Variants in FRMPD3 observed in about 807,000 individuals in gnomAD.
FRMPD3 encodes FERM and PDZ domain containing 3.
Under a neutral mutation model 97.9 loss-of-function variants are expected in FRMPD3, and 42 were observed. The ratio of observed to expected loss-of-function variants is 0.43; its 90% CI spans 0.34 to 0.55. The LOEUF (loss-of-function observed/expected upper bound fraction) is 0.55. Ranked by LOEUF, FRMPD3 falls within the 20% of genes least tolerant of loss-of-function variation. FRMPD3 has a pLI of 0.03. For synonymous variants in FRMPD3, 577 were observed against 581.1 expected, an observed-to-expected ratio of 0.99 and a Z score of 0.10; for missense variants, 1,303 against 1,457.7, an observed-to-expected ratio of 0.89 and a Z score of 1.73.
At chrX:107,583,042 T>C (rs1923466980) in intron 13 of FRMPD3, among the ~76,000 whole-genome samples, 2 of 112,374 alleles carry the variant, frequency 1.8e-5, no homozygotes, top group South Asian at 7.4e-4. Context: ...ATTTCTTTCA[T>C]AAATGTTGTA....
At chrX:107,519,619 A>G (rs1922444803) in intron 1 of FRMPD3, among the ~76,000 whole-genome samples, 1 of 112,113 alleles carries the variant, frequency 8.9e-6, no homozygotes, top group Admixed American at 9.5e-5. Flanking sequence ...TAAAGTCCTC[A>G]GTGAATGTGG....
intron 12 of FRMPD3, among the ~76,000 whole-genome samples, chrX:107,571,597 G>A (rs1445453535): frequency 9.0e-6 from 1 of 111,517 alleles, no homozygotes; most frequent in Non-Finnish European, 1.9e-5. Context: ...GGGCTATCTT[G>A]GGGGTAAGAG....
At chrX:107,561,879 C>A (rs937751927) in intron 10 of FRMPD3, among the ~76,000 whole-genome samples, 1 of 112,080 alleles carries the variant, frequency 8.9e-6, no homozygotes, top group Non-Finnish European at 1.9e-5. Context: ...TTCGAGGCAC[C>A]CCAGTGCTTG....
chrX:107,500,772 C>T (rs770682971), intron 1 of FRMPD3, among the ~76,000 whole-genome samples: 1 of 98,943 alleles, frequency 1.0e-5, no homozygotes, highest in African/African-American at 3.9e-5. Flanking sequence ...TGTGCCATTG[C>T]ACTCCAGCCT....
At chrX:107,452,430 G>C (rs1225831513) in intron 1 of FRMPD3, among the ~76,000 whole-genome samples, 1 of 112,046 alleles carries the variant, frequency 8.9e-6, no homozygotes, top group Admixed American at 9.4e-5. Context: ...TCTCTCGCTG[G>C]CACCCAACAC....
At chrX:107,558,874 AG>A (rs1423197414) in intron 8 of FRMPD3, among the ~76,000 whole-genome samples, 1 of 110,336 alleles carries the variant, frequency 9.1e-6, no homozygotes, top group Non-Finnish European at 1.9e-5. Flanking sequence ...TAATAGAGAC[AG>A]GGTTTCACCA....
chrX:107,563,666 C>G (rs1238277029), intron 11 of FRMPD3, among the ~76,000 whole-genome samples: 1 of 112,006 alleles, frequency 8.9e-6, no homozygotes, highest in East Asian at 2.8e-4. Flanking sequence ...TTTTTTTTCC[C>G]TACCATTAAA....
chrX:107,464,248 A>T (rs949895158), intron 1 of FRMPD3, among the ~76,000 whole-genome samples: 1 of 111,674 alleles, frequency 9.0e-6, no homozygotes, highest in Non-Finnish European at 1.9e-5. Flanking sequence ...GCAATCTTAT[A>T]CTTCTTTCCT....
intron 1 of FRMPD3, among the ~76,000 whole-genome samples, chrX:107,468,039 T>C (rs1035517853): frequency 9.0e-6 from 1 of 111,670 alleles, no homozygotes; most frequent in Non-Finnish European, 1.9e-5. Context: ...CACTCCCGCA[T>C]TGGGTTTCTG....
At chrX:107,517,417 A>T (rs948768566) in intron 1 of FRMPD3, among the ~76,000 whole-genome samples, 1 of 111,805 alleles carries the variant, frequency 8.9e-6, no homozygotes, top group African/African-American at 3.3e-5. Flanking sequence ...AGTGAGGAAG[A>T]TGGAGGAGAG....
At chrX:107,574,445 T>C (rs1348574184) in intron 12 of FRMPD3, among the ~76,000 whole-genome samples, 1 of 112,516 alleles carries the variant, frequency 8.9e-6, no homozygotes, top group Non-Finnish European at 1.9e-5. Flanking sequence ...TTCCACACTA[T>C]GTACAATGGC....
At chrX:107,494,570 T>C (rs376100709) in intron 1 of FRMPD3, among the ~76,000 whole-genome samples, 13 of 112,143 alleles carry the variant, frequency 1.2e-4, no homozygotes, top group African/African-American at 3.9e-4. Context: ...GGTGCACAGA[T>C]TGTTCTCTAT....
At chrX:107,524,249 G>A (rs1412082298) in intron 1 of FRMPD3, among the ~76,000 whole-genome samples, 2 of 112,732 alleles carry the variant, frequency 1.8e-5, no homozygotes, top group African/African-American at 3.2e-5. Flanking sequence ...TGAAAGAGGC[G>A]CCAGCCTGTG....
At chrX:107,500,799 C>G (rs1450836637) in intron 1 of FRMPD3, among the ~76,000 whole-genome samples, 1 of 85,343 alleles carries the variant, frequency 1.2e-5, no homozygotes. Context: ...CAGAGTAAGA[C>G]TCTGTCAAAA....
chrX:107,486,560 C>A (rs1250141428), intron 1 of FRMPD3, among the ~76,000 whole-genome samples: 1 of 112,403 alleles, frequency 8.9e-6, no homozygotes, highest in Non-Finnish European at 1.9e-5. Flanking sequence ...TTTCTTTGCA[C>A]GTGGATATCC....
intron 1 of FRMPD3, chrX:107,522,302 A>G: frequency 2.0e-6 from 1 of 488,673 alleles, no homozygotes; most frequent in Non-Finnish European, 3.6e-6. Context: ...TAACCTTCCT[A>G]AGTGCTTCTG....
intron 13 of FRMPD3, among the ~76,000 whole-genome samples, chrX:107,586,770 T>C (rs1194024023): frequency 1.8e-5 from 2 of 112,114 alleles, no homozygotes; most frequent in African/African-American, 6.5e-5. Context: ...TGAGTGAGTT[T>C]CTTAATCCTT....
intron 1 of FRMPD3, among the ~76,000 whole-genome samples, chrX:107,455,580 T>A (rs1199598250): frequency 4.5e-5 from 5 of 110,325 alleles, no homozygotes; most frequent in African/African-American, 1.3e-4. Context: ...AATAAATAAA[T>A]AAAAATACAT....
At chrX:107,514,529 CT>C (rs753016000) in intron 1 of FRMPD3, among the ~76,000 whole-genome samples, 1,025 of 95,361 alleles carry the variant, frequency 0.011, 10 homozygotes, top group African/African-American at 0.029. Flanking sequence ...TTTCCTTTTC[CT>C]TTTTTTTTTT....
Sources: gnomAD v4.1 joint callset for allele counts (sites outside exome capture counted in the v4.1 genomes callset) on GRCh38, gnomAD v4.1.1 for gene constraint, MANE v1.5 for transcripts, NCBI Gene and HGNC (gene_info 2026-07-23, HGNC 2026-07-21) for gene names.